NPAS3: variants seen among roughly 807,000 people sequenced by gnomAD.
The protein encoded by NPAS3 is neuronal PAS domain protein 3.
In NPAS3, 14 loss-of-function variants were observed where a neutral mutation model predicts 73.1. That is an observed-to-expected ratio of 0.19 (90% confidence interval 0.13 to 0.30). The LOEUF is 0.30. Ranked by LOEUF, NPAS3 falls within the 10% of genes least tolerant of loss-of-function variation. NPAS3 has a pLI of 1.00. For missense variants in NPAS3, 1,096 were observed against 1,250.0 expected (o/e 0.88, Z 1.86); for synonymous variants, 620 against 541.5 (o/e 1.14, Z -2.01).
At chr14:32,938,499 G>GAGAGAGAGAGAGAGAGAGAAAT (rs1566779409), upstream of NPAS3, among the ~76,000 whole-genome samples, 19 of 110,872 alleles carry the variant, frequency 1.7e-4, no homozygotes, top group African/African-American at 7.4e-4. Context: ...GAGAGAGAGA[G>GAGAGAGAGAGAGAGAGAGAAAT]AGAGAGAGAG....
intron 3 of NPAS3, among the ~76,000 whole-genome samples, chr14:33,248,224 A>G (rs984190064): frequency 4.3e-4 from 66 of 152,216 alleles, no homozygotes; most frequent in Non-Finnish European, 6.6e-4. Flanking sequence ...CAGCTGCAGG[A>G]TTGTGTATGT....
intron 6 of NPAS3, among the ~76,000 whole-genome samples, chr14:33,703,072 G>A (rs879404141): frequency 2.6e-5 from 4 of 152,104 alleles, no homozygotes; most frequent in African/African-American, 4.8e-5. Context: ...TTTGGAAATC[G>A]CATTAGTTGG....
intron 5 of NPAS3, 58 bp downstream of exon 5, chr14:33,560,268 GT>G: frequency 2.6e-6 from 2 of 778,858 alleles, no homozygotes; most frequent in East Asian, 2.5e-5. Context: ...TCAGCCTCAT[GT>G]TTTTCCTTCT....
At chr14:33,415,505 T>G (rs1213328227) in intron 4 of NPAS3, among the ~76,000 whole-genome samples, 2 of 152,166 alleles carry the variant, frequency 1.3e-5, no homozygotes, top group Admixed American at 1.3e-4. Context: ...TATTAAACAC[T>G]TGCTTCAATC....
At chr14:33,468,484 CT>C (rs2050631642) in intron 4 of NPAS3, among the ~76,000 whole-genome samples, 2 of 152,080 alleles carry the variant, frequency 1.3e-5, no homozygotes, top group Admixed American at 1.3e-4. Flanking sequence ...TGGAGGGTCT[CT>C]TTTTTTCCTC....
At position 33,797,490 on chromosome 14, in the gene NPAS3, C is replaced by T. The variant is rs201421063; in HGVS notation, c.1335C>T (p.Ile445=). The T allele has an allele frequency of 1.4e-5, 22 of 1,614,200 alleles. No homozygotes were observed. The African/African-American group carries it at 1.5e-4, about 11-fold the overall frequency. The stretch of plus-strand genomic sequence containing the variant: ...AGTACAAGGACACACCCATGGACAT[C>T]GCACAGCTCCCCCATCTGCCGGAGA... The change falls in exon 11 of 12, where the codon ATC becomes ATT. Residue 445 remains isoleucine (I), a synonymous_variant. Coordinates refer to ENST00000356141, the Ensembl canonical transcript of NPAS3.
chr14:33,167,929 C>G (rs915544240), intron 2 of NPAS3, among the ~76,000 whole-genome samples: 6 of 152,194 alleles, frequency 3.9e-5, no homozygotes, highest in African/African-American at 1.4e-4. Flanking sequence ...ATTCCATGCC[C>G]TGGGAGATGC....
At chr14:33,130,277 C>A (rs543373499) in intron 2 of NPAS3, among the ~76,000 whole-genome samples, 6 of 152,122 alleles carry the variant, frequency 3.9e-5, no homozygotes, top group Non-Finnish European at 7.4e-5. Context: ...TACTCTCCCC[C>A]CTTATTTAGT....
intron 4 of NPAS3, among the ~76,000 whole-genome samples, chr14:33,444,466 T>C (rs549566918): frequency 2.9e-4 from 44 of 152,340 alleles, no homozygotes; most frequent in African/African-American, 9.4e-4. Context: ...AAGAGTTAGT[T>C]TGAGTCTGCA....
intron 5 of NPAS3, among the ~76,000 whole-genome samples, chr14:33,589,357 A>C (rs1262102575): frequency 6.6e-6 from 1 of 152,210 alleles, no homozygotes; most frequent in East Asian, 1.9e-4. Flanking sequence ...TCAATATAAG[A>C]AGCTAGTACA....
At chr14:33,380,078 A>G (rs1053272224) in intron 4 of NPAS3, among the ~76,000 whole-genome samples, 26 of 151,766 alleles carry the variant, frequency 1.7e-4, no homozygotes, top group Non-Finnish European at 4.4e-5. Context: ...AAAAATACAG[A>G]TAAGCAAAGA....
At chr14:33,071,212 G>A (rs1366934464) in intron 2 of NPAS3, among the ~76,000 whole-genome samples, 2 of 152,064 alleles carry the variant, frequency 1.3e-5, no homozygotes, top group Admixed American at 6.5e-5. Context: ...ATATTTTTGA[G>A]CAACCATCAA....
intron 6 of NPAS3, among the ~76,000 whole-genome samples, chr14:33,703,196 A>C (rs749489254): frequency 6.6e-5 from 10 of 152,136 alleles, no homozygotes; most frequent in Non-Finnish European, 1.2e-4. Context: ...TATGATATTA[A>C]ATTACCCTTG....
intron 1 of NPAS3, among the ~76,000 whole-genome samples, chr14:32,976,492 G>A (rs1953433): frequency 0.17 from 25,576 of 152,168 alleles, 2,551 homozygotes; most frequent in African/African-American, 0.28. Flanking sequence ...TAGAAATGGA[G>A]TGGTACACAT....
chr14:33,575,296 A>C (rs1470091217), intron 5 of NPAS3, among the ~76,000 whole-genome samples: 1 of 152,204 alleles, frequency 6.6e-6, no homozygotes, highest in African/African-American at 2.4e-5. Context: ...CATAGATCGT[A>C]TTCATTGTTC....
Position 33,676,403 on chromosome 14 carries a change from AGT to A in NPAS3, c.733+24_733+25del, listed in dbSNP as rs1396245202. On this transcript the variant is annotated intron_variant, in intron 6 of 11. Transcript: ENST00000356141. ...CGAGCCAGGTGGGAATTGCAAACCCAGTGTGTGGGTTGGTGGGCAGGACCTTT... is the reference window on the plus strand; with the variant it reads ...CGAGCCAGGTGGGAATTGCAAACCCAGTGTGGGTTGGTGGGCAGGACCTTT... 1.3e-6 allele frequency: 2 copies of A among 1,543,220 alleles called. No individual in the cohort carries two copies. Among genetic ancestry groups the A allele is most frequent in the African/African-American group, 2.8e-5 (2 of 71,946 alleles).
intron 3 of NPAS3, among the ~76,000 whole-genome samples, chr14:33,287,003 G>A (rs1246742171): frequency 6.6e-6 from 1 of 152,026 alleles, no homozygotes; most frequent in African/African-American, 2.4e-5. Flanking sequence ...GGTTAGCAAT[G>A]CTCGGGAAAA....
intron 4 of NPAS3, among the ~76,000 whole-genome samples, chr14:33,440,778 A>G (rs1470514773): frequency 3.3e-5 from 5 of 152,054 alleles, no homozygotes; most frequent in Non-Finnish European, 2.9e-5. Context: ...CTATAATCCC[A>G]GCTACTCAGG....
rs116079339 is a variant in NPAS3, at chr14:33,301,517, T to C, written c.386-65669T>C. Among the ~76,000 whole-genome samples the C allele has an allele frequency of 4.3e-3, 660 of 151,894 alleles. 4 individuals carry two copies. The highest frequency in any genetic ancestry group is 0.015 in the African/African-American group (631 of 41,402). On this transcript the variant is annotated intron_variant, in intron 3 of 11. Coordinates refer to ENST00000356141, the Ensembl canonical transcript of NPAS3. ...GAGTGGGAAGTCTTGTGAGCTTCTT[T>C]TCAGTGGTGTACTCCACCAGACCTC...
Sources: allele counts gnomAD v4.1 joint callset (sites outside exome capture counted in the v4.1 genomes callset), GRCh38; gene constraint gnomAD v4.1.1; transcripts MANE v1.5; gene names NCBI Gene and HGNC (gene_info 2026-07-23, HGNC 2026-07-21).